SGCZ: variants seen among roughly 807,000 people sequenced by gnomAD.
SGCZ encodes the protein sarcoglycan zeta.
A neutral mutation model predicts 41.3 loss-of-function variants in SGCZ; 40 were observed. The observed-to-expected ratio is 0.97, with a 90% CI of 0.75 to 1.26. The LOEUF (loss-of-function observed/expected upper bound fraction) is 1.26, where lower values mean the gene tolerates loss of function less well. Among genes scored for constraint, SGCZ ranks in the 50% most tolerant of loss-of-function variants. SGCZ has a pLI of 0.00. For missense variants in SGCZ, 552 were observed against 369.8 expected, an observed-to-expected ratio of 1.49 and a Z score of -4.04; for synonymous variants, 206 against 137.5, an observed-to-expected ratio of 1.50 and a Z score of -3.49.
chr8:15,075,541 T>C (rs1805499884), intron 1 of SGCZ, among the ~76,000 whole-genome samples: 1 of 152,126 alleles, frequency 6.6e-6, no homozygotes, highest in Non-Finnish European at 1.5e-5. Flanking sequence ...AATGAAACAG[T>C]TGAAGCCTAA....
chr8:14,579,864 T>C lies in SGCZ; in HGVS notation c.40-24938A>G, dbSNP rs141757053. On this transcript the variant is annotated intron_variant, in intron 1 of 7. Coordinates refer to ENST00000382080, the MANE Select transcript of SGCZ (RefSeq NM_139167.4). Reference sequence around the variant, plus strand: ...CAGTTCTACATTTAGATAAAGAGACTGAAAAATCCTTATAAGTTCCCCTGA... The same window carrying C: ...CAGTTCTACATTTAGATAAAGAGACCGAAAAATCCTTATAAGTTCCCCTGA... Among the ~76,000 whole-genome samples the C allele has an allele frequency of 6.0e-3, 911 of 152,292 alleles. 11 individuals carry two copies. The highest frequency in any genetic ancestry group is 0.021 in the African/African-American group (865 of 41,556).
At chr8:14,559,597 A>T (rs1406846445) in intron 1 of SGCZ, among the ~76,000 whole-genome samples, 1 of 152,108 alleles carries the variant, frequency 6.6e-6, no homozygotes, top group Non-Finnish European at 1.5e-5. Flanking sequence ...AATTTTTATA[A>T]AAATTATTTG....
intron 1 of SGCZ, among the ~76,000 whole-genome samples, chr8:14,642,189 C>T (rs1807047829): frequency 6.6e-6 from 1 of 151,646 alleles, no homozygotes; most frequent in African/African-American, 2.4e-5. Context: ...ATTTCCTTGT[C>T]CTCTTTTAGG....
chr8:14,495,045 G>A (rs1274415731), intron 2 of SGCZ, among the ~76,000 whole-genome samples: 1 of 152,098 alleles, frequency 6.6e-6, no homozygotes, highest in Non-Finnish European at 1.5e-5. Context: ...TTCTGAACAT[G>A]CTCCCCAGTT....
chr8:15,225,773 G>T (rs142421700), intron 1 of SGCZ, among the ~76,000 whole-genome samples: 37 of 152,270 alleles, frequency 2.4e-4, no homozygotes, highest in African/African-American at 8.2e-4. Context: ...AGGAAACCAG[G>T]TGGTTCCTTA....
chr8:15,216,932 T>A (rs367656945), intron 1 of SGCZ, among the ~76,000 whole-genome samples: 7 of 151,990 alleles, frequency 4.6e-5, no homozygotes, highest in Admixed American at 1.3e-4. Flanking sequence ...GGGATTAGGG[T>A]AGAAGAGAAG....
At position 14,232,679 on chromosome 8, in the gene SGCZ, G is replaced by A. The variant is rs1353554811; in HGVS notation, c.424+4913C>T. ...AGGTTAGTTACATATGTATACATGTGCCATGCTGGTGTGCTGCACCCATTA... is the reference window on the plus strand; with the variant it reads ...AGGTTAGTTACATATGTATACATGTACCATGCTGGTGTGCTGCACCCATTA... On this transcript the variant is annotated intron_variant, in intron 4 of 7. Transcript: ENST00000382080. 5.3e-5 allele frequency among the ~76,000 whole-genome samples: 8 copies of A among 151,822 alleles called. No individual in the cohort carries two copies. In the East Asian group the frequency reaches 1.2e-3, roughly 22 times the overall value.
At chr8:14,420,426 G>A (rs982071189) in intron 2 of SGCZ, among the ~76,000 whole-genome samples, 45 of 152,072 alleles carry the variant, frequency 3.0e-4, no homozygotes, top group Admixed American at 6.6e-4. Flanking sequence ...TTTTGTTGTG[G>A]ATGTTTATTC....
intron 1 of SGCZ, among the ~76,000 whole-genome samples, chr8:14,630,464 C>A (rs184407989): frequency 6.6e-6 from 1 of 152,086 alleles, no homozygotes; most frequent in East Asian, 1.9e-4. Context: ...GACAGTGTGG[C>A]GATTCCTCAA....
At chr8:14,972,399 A>G (rs998187681) in intron 1 of SGCZ, among the ~76,000 whole-genome samples, 4 of 151,776 alleles carry the variant, frequency 2.6e-5, no homozygotes, top group Admixed American at 2.0e-4. Context: ...TTGTGCCTTC[A>G]TTTTTAATGT....
At chr8:14,999,136 T>C (rs1802319297) in intron 1 of SGCZ, among the ~76,000 whole-genome samples, 1 of 152,344 alleles carries the variant, frequency 6.6e-6, no homozygotes, top group East Asian at 1.9e-4. Context: ...GAAAACAATG[T>C]GTGAATGTTT....
At chr8:14,543,277 C>T (rs1176394214) in intron 2 of SGCZ, among the ~76,000 whole-genome samples, 6 of 151,990 alleles carry the variant, frequency 3.9e-5, no homozygotes, top group African/African-American at 1.4e-4. Flanking sequence ...TATTCAGACT[C>T]CTCCTAGAAA....
intron 2 of SGCZ, among the ~76,000 whole-genome samples, chr8:14,468,541 G>T (rs760682181): frequency 2.0e-5 from 3 of 151,984 alleles, no homozygotes; most frequent in Non-Finnish European, 4.4e-5. Flanking sequence ...AGCAAAGGTG[G>T]TGCCTCATCT....
intron 1 of SGCZ, among the ~76,000 whole-genome samples, chr8:15,212,339 C>A (rs766076780): frequency 5.3e-5 from 8 of 152,086 alleles, no homozygotes; most frequent in South Asian, 2.1e-4. Context: ...AAGCCACACA[C>A]TGGTGGATTC....
At chr8:14,351,852 T>A (rs1354325239) in intron 2 of SGCZ, among the ~76,000 whole-genome samples, 1 of 152,078 alleles carries the variant, frequency 6.6e-6, no homozygotes, top group East Asian at 1.9e-4. Flanking sequence ...AAGCTAAGCA[T>A]TGGGCTTTTA....
intron 1 of SGCZ, among the ~76,000 whole-genome samples, chr8:14,738,962 G>A (rs191153699): frequency 1.3e-5 from 2 of 152,130 alleles, no homozygotes; most frequent in African/African-American, 2.4e-5. Context: ...AACTATGATT[G>A]GTGGCTAAAG....
chr8:14,180,974 G>C (rs886926898), intron 4 of SGCZ, among the ~76,000 whole-genome samples: 5 of 151,968 alleles, frequency 3.3e-5, no homozygotes, highest in African/African-American at 1.2e-4. Flanking sequence ...ATCAACATGA[G>C]GCAGCACCAA....
At chr8:14,717,996 G>GATAGATATATATATATATAT (rs1554487146) in intron 1 of SGCZ, among the ~76,000 whole-genome samples, 1 of 144,920 alleles carries the variant, frequency 6.9e-6, no homozygotes, top group Non-Finnish European at 1.5e-5. Flanking sequence ...TCTAAAATAA[G>GATAGATATATATATATATAT]ATATATATAT....
At chr8:14,959,097 C>T (rs970194570) in intron 1 of SGCZ, among the ~76,000 whole-genome samples, 1 of 152,102 alleles carries the variant, frequency 6.6e-6, no homozygotes, top group Non-Finnish European at 1.5e-5. Context: ...CCATCAACTA[C>T]ATACTTTAGA....
Sources: allele counts gnomAD v4.1 joint callset (sites outside exome capture counted in the v4.1 genomes callset), GRCh38; gene constraint gnomAD v4.1.1; transcripts MANE v1.5; gene names NCBI Gene and HGNC (gene_info 2026-07-23, HGNC 2026-07-21).